The following MED13L variants were observed in gnomAD, a reference collection of about 807,000 sequenced individuals.
MED13L encodes mediator complex subunit 13L.
In MED13L, 7 loss-of-function variants were observed where a neutral mutation model predicts 220.9. The observed-to-expected ratio is 0.03, with a 90% CI of 0.02 to 0.06. The LOEUF is 0.06. Among genes scored for constraint, MED13L ranks in the 10% least tolerant of loss-of-function variants. The pLI is 1.00. For synonymous variants in MED13L, 1,011 were observed against 1,015.2 expected, an observed-to-expected ratio of 1.00 and a Z score of 0.08; for missense variants, 1,965 against 2,760.5, an observed-to-expected ratio of 0.71 and a Z score of 6.46.
At chr12:116,135,104 G>C (rs142416111) in intron 2 of MED13L, among the ~76,000 whole-genome samples, 2,928 of 152,276 alleles carry the variant, frequency 0.019, 57 homozygotes, top group Non-Finnish European at 0.031. Context: ...GGGAGGCAGA[G>C]GTTGCAGTGA....
At chr12:116,276,752 C>A in intron 1 of MED13L, 1 of 1,292,634 alleles carries the variant, frequency 7.7e-7, no homozygotes, top group Non-Finnish European at 9.9e-7. Context: ...AAGGGGAGTG[C>A]GATTGCAACA....
intron 23 of MED13L, among the ~76,000 whole-genome samples, chr12:115,979,499 T>C (rs1453452997): frequency 2.0e-5 from 3 of 152,218 alleles, no homozygotes; most frequent in African/African-American, 7.2e-5. Context: ...AGAAATTTTA[T>C]ATAACACTGG....
rs1393422322 is a variant in MED13L at position 115,958,791 on chromosome 12, T to C, written c.*2475A>G. 6.6e-6 allele frequency: 1 copy of C among 152,482 alleles called. No individual in the cohort carries two copies. The highest frequency in any genetic ancestry group is 1.5e-5 in the Non-Finnish European group (1 of 68,020). 9.4% of individuals were successfully genotyped at this position (152,482 alleles called of 1,614,324 possible). A position where few individuals can be genotyped will look rare whatever the true frequency, so the allele number is the denominator to read the frequency against. On this transcript the variant is annotated 3_prime_UTR_variant, in exon 31 of 31. Transcript: ENST00000281928. ...ATTCTTTCAAATTGTTTGCTATATA[T>C]AAAAGAAGCTCACTGCAAAATGCTT... is the stretch of plus-strand genomic sequence containing the variant.
At chr12:116,129,653 A>T (rs1210930990) in intron 2 of MED13L, among the ~76,000 whole-genome samples, 1 of 152,208 alleles carries the variant, frequency 6.6e-6, no homozygotes, top group Non-Finnish European at 1.5e-5. Context: ...TCACGCCTGT[A>T]ATCCCAGCAC....
intron 2 of MED13L, among the ~76,000 whole-genome samples, chr12:116,230,900 T>C (rs1381877996): frequency 6.6e-6 from 1 of 152,218 alleles, no homozygotes; most frequent in Non-Finnish European, 1.5e-5. Flanking sequence ...AATATATTCC[T>C]ACATACATTA....
chr12:116,208,874 T>A (rs1381973343), intron 2 of MED13L, among the ~76,000 whole-genome samples: 1 of 152,076 alleles, frequency 6.6e-6, no homozygotes, highest in Non-Finnish European at 1.5e-5. Flanking sequence ...GAGGCTGAGA[T>A]GTGAGGATCA....
chr12:116,107,896 C>T (rs924821777), intron 3 of MED13L, among the ~76,000 whole-genome samples: 3 of 152,124 alleles, frequency 2.0e-5, no homozygotes, highest in Admixed American at 2.0e-4. Context: ...TCGAGACCAG[C>T]CTAGCCAATA....
intron 4 of MED13L, among the ~76,000 whole-genome samples, chr12:116,058,352 AATATTC>A (rs2137619630): frequency 6.6e-6 from 1 of 152,330 alleles, no homozygotes; most frequent in East Asian, 1.9e-4. Context: ...CAACCTAAGC[AATATTC>A]AACTTCAAAA....
At chr12:116,272,169 G>A (rs911148698) in intron 1 of MED13L, among the ~76,000 whole-genome samples, 2 of 151,654 alleles carry the variant, frequency 1.3e-5, no homozygotes, top group Non-Finnish European at 2.9e-5. Context: ...AAATTATTAG[G>A]CAAAAATAAT....
intron 4 of MED13L, among the ~76,000 whole-genome samples, chr12:116,029,726 T>C (rs2137482269): frequency 6.6e-6 from 1 of 152,254 alleles, no homozygotes; most frequent in Middle Eastern, 3.4e-3. Context: ...TGGTATGCAA[T>C]ACAGCTCAGA....
rs568476567 is a variant in MED13L, at chr12:116,081,736, ACATGCC to A, written c.479+14927_479+14932del. ...ACAAAAATTAGCCAGACATGGTGGCACATGCCTATAGTCCCAGCTACTAATGTGATT... is the reference window on the plus strand; with the variant it reads ...ACAAAAATTAGCCAGACATGGTGGCATATAGTCCCAGCTACTAATGTGATT... On this transcript the variant is annotated intron_variant, in intron 4 of 30. Coordinates refer to ENST00000281928, the MANE Select transcript of MED13L (RefSeq NM_015335.5). Among the ~76,000 whole-genome samples the A allele has an allele frequency of 5.4e-3, 829 of 152,304 alleles. 3 individuals are homozygous for A. Among genetic ancestry groups the A allele is most frequent in the Non-Finnish European group, 0.01 (697 of 68,026 alleles).
At position 115,959,316 on chromosome 12, in the gene MED13L, GTTTTT is replaced by G. The variant is rs537688265; in HGVS notation, c.*1945_*1949del. 1 of 149,574 alleles carries G rather than the reference GTTTTT, an allele frequency of 6.7e-6. No homozygotes were observed. The highest frequency in any genetic ancestry group is 2.5e-5 in the African/African-American group (1 of 40,478). The allele number at this position is 149,574 out of a possible 1,614,324, so 9.3% of individuals were successfully genotyped here. A position where few individuals can be genotyped will look rare whatever the true frequency, so the allele number is the denominator to read the frequency against. ...TTTGTAGGGGTTTTTTATTTTTTGT[GTTTTT>G]TTTCTTTTTCTGCTTAGAATTGGGT... is the stretch of plus-strand genomic sequence containing the variant. On this transcript the variant is annotated 3_prime_UTR_variant, in exon 31 of 31. Coordinates refer to ENST00000281928, the MANE Select transcript of MED13L (RefSeq NM_015335.5).
At chr12:116,260,313 C>T (rs1042616922) in intron 1 of MED13L, among the ~76,000 whole-genome samples, 3 of 152,134 alleles carry the variant, frequency 2.0e-5, no homozygotes, top group Non-Finnish European at 2.9e-5. Context: ...AGGGTCCCCA[C>T]CACACCAAGG....
intron 1 of MED13L, chr12:116,276,361 T>TG: frequency 2.0e-5 from 16 of 812,274 alleles, no homozygotes; most frequent in Non-Finnish European, 2.6e-5. Flanking sequence ...TGCGGATTCG[T>TG]TGTTAGGATA....
At chr12:116,189,978 T>G (rs1242261161) in intron 2 of MED13L, among the ~76,000 whole-genome samples, 2 of 152,164 alleles carry the variant, frequency 1.3e-5, no homozygotes, top group Non-Finnish European at 2.9e-5. Context: ...GGATCTTCCA[T>G]GTAAACAGTC....
chr12:115,973,065 C>A (rs554081309), intron 25 of MED13L, among the ~76,000 whole-genome samples: 1 of 152,182 alleles, frequency 6.6e-6, no homozygotes, highest in Admixed American at 6.5e-5. Context: ...CATTTCTCCC[C>A]TTAAAGAGCA....
rs755747551 is a variant in MED13L at position 115,997,151 on chromosome 12, A to G, written c.2649T>C (p.Tyr883=). ...QHPAFSPVMN[Y]KDGISSETVT... is the part of the protein sequence containing the mutation. The stretch of plus-strand genomic sequence containing the variant: ...CTGTCTCTGAGCTGATCCCATCTTT[A>G]TAATTCATCACAGGAGAAAATGCAG... Residue 883 remains tyrosine, a synonymous_variant, in exon 15 of 31, where the codon TAT becomes TAC. Coordinates refer to ENST00000281928, the MANE Select transcript of MED13L (RefSeq NM_015335.5). 4 of 1,614,128 alleles carry G rather than the reference A, an allele frequency of 2.5e-6. No individual in the cohort carries two copies. In the East Asian group the frequency reaches 6.7e-5, roughly 27 times the overall value.
At position 116,129,121 on chromosome 12, in the gene MED13L, C is replaced by A. The variant is rs1372102052; in HGVS notation, c.311-17609G>T. On this transcript the variant is annotated intron_variant, in intron 2 of 30. Transcript: ENST00000281928. ...GATTGTTTCTCACCAATTTTTAAAA[C>A]AGAATTATTTTTAATAAAGTATAAC... is the stretch of plus-strand genomic sequence containing the variant. Among the ~76,000 whole-genome samples, 4 of 152,184 alleles carry A rather than the reference C, an allele frequency of 2.6e-5. No individual in the cohort carries two copies. The South Asian group carries it at 8.3e-4, about 32-fold the overall frequency.
chr12:116,126,947 G>A (rs1380301736), intron 2 of MED13L, among the ~76,000 whole-genome samples: 1 of 152,092 alleles, frequency 6.6e-6, no homozygotes, highest in Non-Finnish European at 1.5e-5. Context: ...TGATAGGCAG[G>A]CCTTAGAATC....
Sources: allele counts gnomAD v4.1 joint callset (sites outside exome capture counted in the v4.1 genomes callset), GRCh38; gene constraint gnomAD v4.1.1; transcripts MANE v1.5; gene names NCBI Gene and HGNC (gene_info 2026-07-23, HGNC 2026-07-21).